UHRF1: variants seen among roughly 807,000 people sequenced by gnomAD.
UHRF1 encodes the protein E3 ubiquitin-protein ligase UHRF1.
UHRF1 carries 9 observed loss-of-function variants against 96.5 expected under a neutral mutation model. The observed-to-expected ratio is 0.09, with a 90% confidence interval of 0.06 to 0.16. The LOEUF (loss-of-function observed/expected upper bound fraction) is 0.16. Ranked by LOEUF, UHRF1 falls within the 10% of genes least tolerant of loss-of-function variation. The pLI is 1.00. For synonymous variants in UHRF1, 455 were observed against 469.9 expected (o/e 0.97, Z 0.41); for missense variants, 626 against 1,131.1 (o/e 0.55, Z 6.40).
upstream of UHRF1, among the ~76,000 whole-genome samples, chr19:4,908,408 C>A (rs533612944): frequency 6.6e-6 from 1 of 152,078 alleles, no homozygotes; most frequent in African/African-American, 2.4e-5. Flanking sequence ...AAGGGAAAGA[C>A]CAAAGTCCTC....
chr19:4,940,034 A>AAAAAAC (rs1555751568), intron 5 of UHRF1, among the ~76,000 whole-genome samples: 2 of 152,120 alleles, frequency 1.3e-5, no homozygotes, highest in African/African-American at 4.8e-5. Flanking sequence ...AAAAAAAAAA[A>AAAAAAC]AAAACACATG....
At chr19:4,955,659 C>G (rs1001530345) in intron 15 of UHRF1, among the ~76,000 whole-genome samples, 6 of 152,136 alleles carry the variant, frequency 3.9e-5, no homozygotes, top group African/African-American at 1.4e-4. Flanking sequence ...GCTGGGGCAG[C>G]CCCTTGCCCC....
upstream of UHRF1, among the ~76,000 whole-genome samples, chr19:4,904,753 G>A (rs1257222382): frequency 6.6e-6 from 1 of 152,224 alleles, no homozygotes; most frequent in African/African-American, 2.4e-5. Context: ...AGTGGGTGTG[G>A]GGGGTGGAAT....
Position 4,927,305 on chromosome 19 carries a change from T to G in UHRF1, c.154-1917T>G, listed in dbSNP as rs113769664. Among the ~76,000 whole-genome samples the G allele has an allele frequency of 7.6e-3, 1,037 of 137,230 alleles. 11 individuals are homozygous for G. The highest frequency in any genetic ancestry group is 0.027 in the African/African-American group (990 of 36,282). The allele number at this position is 137,230 out of a possible 152,430, so 90.0% of individuals were successfully genotyped here. On this transcript the variant is annotated intron_variant, in intron 2 of 16. Coordinates refer to ENST00000650932, the MANE Select transcript of UHRF1 (RefSeq NM_001048201.3). The stretch of plus-strand genomic sequence containing the variant: ...CTGAGGCACAAGAATCGCTTGAACC[T>G]GGGAGGTGGAGATTGCAGTGAGCTG...
intron 2 of UHRF1, among the ~76,000 whole-genome samples, chr19:4,924,636 C>T (rs56324457): frequency 0.013 from 1,968 of 152,142 alleles, 49 homozygotes; most frequent in African/African-American, 0.044. Flanking sequence ...TCTAGGTTCA[C>T]AGCAAAATTG....
At chr19:4,915,832 G>A (rs891267475) in intron 2 of UHRF1, among the ~76,000 whole-genome samples, 1 of 152,218 alleles carries the variant, frequency 6.6e-6, no homozygotes, top group African/African-American at 2.4e-5. Context: ...GTGTGTCTGG[G>A]TTTTCTGGCT....
chr19:4,917,092 C>T (rs1599245065), intron 2 of UHRF1, among the ~76,000 whole-genome samples: 1 of 127,300 alleles, frequency 7.9e-6, no homozygotes, highest in African/African-American at 3.0e-5. Context: ...GTGCAGTGAG[C>T]TTTTAGTCTT....
chr19:4,947,337 G>A, intron 11 of UHRF1, 126 bp downstream of exon 11: 2 of 855,952 alleles, frequency 2.3e-6, no homozygotes, highest in Non-Finnish European at 3.7e-6. Context: ...GCGAAGCCTG[G>A]CATTTGGTTC....
At chr19:4,959,188 G>A (rs1196245703) in intron 16 of UHRF1, among the ~76,000 whole-genome samples, 1 of 151,850 alleles carries the variant, frequency 6.6e-6, no homozygotes, top group African/African-American at 2.4e-5. Context: ...AAATTAGCCA[G>A]GTGTGCTGGT....
At chr19:4,944,625 G>A (rs1020852074) in intron 9 of UHRF1, among the ~76,000 whole-genome samples, 175 bp downstream of exon 9, 2 of 152,172 alleles carry the variant, frequency 1.3e-5, no homozygotes, top group African/African-American at 4.8e-5. Flanking sequence ...ATTTTACCAG[G>A]GACCTGCAAT....
At chr19:4,955,127 CCTTCTGT>C (rs1453657884) in intron 15 of UHRF1, among the ~76,000 whole-genome samples, 1 of 152,126 alleles carries the variant, frequency 6.6e-6, no homozygotes, top group Non-Finnish European at 1.5e-5. Flanking sequence ...TGCCATCCTA[CCTTCTGT>C]CTCTGTCTCC....
chr19:4,950,975 G>A lies in UHRF1; in HGVS notation c.1797G>A (p.Lys599=), dbSNP rs759950605. 1.8e-5 allele frequency: 29 copies of A among 1,611,070 alleles called. No individual in the cohort carries two copies. The highest frequency in any genetic ancestry group is 2.3e-5 in the Non-Finnish European group (27 of 1,179,506). Residue 599 remains lysine (K), a synonymous_variant, in exon 13 of 17, where the codon AAG becomes AAA. Coordinates refer to ENST00000650932, the MANE Select transcript of UHRF1 (RefSeq NM_001048201.3). ...PWTKEGKDRI[K]KLGLTMQYPE... ...CGAAGGAGGGGAAGGACCGGATCAAGAAGCTGGGGCTGACCATGCAGGTGT... is the reference window on the plus strand; with the variant it reads ...CGAAGGAGGGGAAGGACCGGATCAAAAAGCTGGGGCTGACCATGCAGGTGT...
In UHRF1 at chr19:4,909,664, G is replaced by A. The variant is rs975103377; in HGVS notation, c.-11+9G>A. On this transcript the variant is annotated intron_variant, in intron 1 of 16. Transcript: ENST00000650932. ...TCGCGGCGACCGGAGAGGTGAGCGG[G>A]CGGGCCGGGTCGGGGTGCCAGCCCG... 2 of 534,322 alleles carry A rather than the reference G, an allele frequency of 3.7e-6. No homozygotes were observed. The highest frequency in any genetic ancestry group is 6.5e-6 in the Non-Finnish European group (2 of 306,490). The allele number at this position is 534,322 out of a possible 1,614,324, so 33.1% of individuals were successfully genotyped here.
intron 1 of UHRF1, 116 bp from the exon 2 acceptor site, chr19:4,910,760 C>A: frequency 7.7e-7 from 1 of 1,305,060 alleles, no homozygotes; most frequent in Non-Finnish European, 1.0e-6. Flanking sequence ...GAAGGGCATC[C>A]TGGGAGTTTC....
intron 15 of UHRF1, among the ~76,000 whole-genome samples, 170 bp from the exon 16 acceptor site, chr19:4,956,539 C>T (rs759341498): frequency 1.3e-5 from 2 of 152,194 alleles, no homozygotes; most frequent in Non-Finnish European, 2.9e-5. Context: ...AGGCTCATGC[C>T]TGTTGGGCCT....
At chr19:4,931,864 G>A (rs1291167330) in intron 4 of UHRF1, among the ~76,000 whole-genome samples, 1 of 152,216 alleles carries the variant, frequency 6.6e-6, no homozygotes, top group East Asian at 1.9e-4. Context: ...GGGTTCAAAC[G>A]ATTCTCCTGC....
rs1410446766 is a variant in UHRF1, at chr19:4,910,885, C to T, written c.-1C>T. On this transcript the variant is annotated 5_prime_UTR_variant, in exon 2 of 17. Coordinates refer to ENST00000650932, the MANE Select transcript of UHRF1 (RefSeq NM_001048201.3). ...CTGTCCCTCCCCTCAGCGCCGACACCATGTGGATCCAGGTTCGGACCATGG... is the reference window on the plus strand; with the variant it reads ...CTGTCCCTCCCCTCAGCGCCGACACTATGTGGATCCAGGTTCGGACCATGG... 3.1e-6 allele frequency: 5 copies of T among 1,608,450 alleles called. No homozygotes were observed. The Middle Eastern group carries it at 5.0e-4, about 160-fold the overall frequency.
chr19:4,903,675 G>A (rs528108613), intron 1 of UHRF1: 10 of 151,866 alleles, frequency 6.6e-5, no homozygotes, highest in African/African-American at 2.4e-4. Flanking sequence ...GCTAATTTTT[G>A]TATTTTTAGT....
chr19:4,903,488 T>G (rs1360478182), exon 1 of UHRF1: 1 of 152,108 alleles, frequency 6.6e-6, no homozygotes, highest in Non-Finnish European at 1.5e-5. Flanking sequence ...GCTAATTTTT[T>G]TTTGGTATTT....
Sources: allele counts gnomAD v4.1 joint callset (sites outside exome capture counted in the v4.1 genomes callset), GRCh38; gene constraint gnomAD v4.1.1; transcripts MANE v1.5; gene names NCBI Gene and HGNC (gene_info 2026-07-23, HGNC 2026-07-21).